The following TNFRSF13B variants were observed in gnomAD, a reference collection of about 807,000 sequenced individuals.
The protein encoded by TNFRSF13B is TNF receptor superfamily member 13B, also known as tumor necrosis factor receptor superfamily member 13B.
TNFRSF13B carries 34 observed loss-of-function variants against 24.0 expected under a neutral mutation model. That is an observed-to-expected ratio of 1.41 (90% CI 1.08 to 1.88). The LOEUF is 1.88. Among genes scored for constraint, TNFRSF13B ranks in the 40% most tolerant of loss-of-function variants. The pLI, the probability that TNFRSF13B is intolerant of heterozygous loss-of-function variation, is 0.00. For synonymous variants in TNFRSF13B, 173 were observed against 150.3 expected (o/e 1.15, Z -1.10); for missense variants, 415 against 380.8 (o/e 1.09, Z -0.75).
chr17:16,963,741 A>G (rs955959909), intron 1 of TNFRSF13B, among the ~76,000 whole-genome samples: 2 of 152,086 alleles, frequency 1.3e-5, no homozygotes, highest in African/African-American at 4.8e-5. Flanking sequence ...TAGTAGAGAC[A>G]GGGTTTCACC....
chr17:16,954,557 C>T (rs1291068553), intron 1 of TNFRSF13B, among the ~76,000 whole-genome samples: 5 of 152,226 alleles, frequency 3.3e-5, no homozygotes, highest in Non-Finnish European at 5.9e-5. Flanking sequence ...ATGTCTCTAA[C>T]ATTCTGGGAG....
At chr17:16,940,004 T>A in intron 4 of TNFRSF13B, 1 of 971,766 alleles carries the variant, frequency 1.0e-6, no homozygotes, top group Non-Finnish European at 1.5e-6. Context: ...TGGCTCTCAC[T>A]TCTGTCCAGC....
At chr17:16,949,040 G>A (rs1354595732) in intron 2 of TNFRSF13B, 57 bp from the exon 3 acceptor site, 5 of 1,611,400 alleles carry the variant, frequency 3.1e-6, no homozygotes, top group African/African-American at 1.3e-5. Context: ...GGAACTCTGG[G>A]TTTGACCACA....
chr17:16,955,496 A>C (rs1309210034), intron 1 of TNFRSF13B, among the ~76,000 whole-genome samples: 1 of 152,240 alleles, frequency 6.6e-6, no homozygotes, highest in Non-Finnish European at 1.5e-5. Context: ...TAATCGAATA[A>C]ATTGTCTAGA....
chr17:16,945,251 C>G (rs4500785), intron 3 of TNFRSF13B, among the ~76,000 whole-genome samples: 21,460 of 152,204 alleles, frequency 0.14, 1,720 homozygotes, highest in East Asian at 0.4. Context: ...GGCTCCATCC[C>G]TGGAGCCAAG....
At position 16,948,724 on chromosome 17, in the gene TNFRSF13B, CT is replaced by C; in HGVS notation, c.445+13del. 1 of 1,613,568 alleles carries C rather than the reference CT, an allele frequency of 6.2e-7. No individual in the cohort carries two copies. The highest frequency in any genetic ancestry group is 8.5e-7 in the Non-Finnish European group (1 of 1,180,024). ...CCTGCGTGACACCATGCAGGTTTGCCTTGGGTGGCTTACCTGGACTTGCTTC... is the reference window on the plus strand; with the variant it reads ...CCTGCGTGACACCATGCAGGTTTGCCTGGGTGGCTTACCTGGACTTGCTTC... On this transcript the variant is annotated intron_variant, in intron 3 of 4. Coordinates refer to ENST00000261652, the MANE Select transcript of TNFRSF13B (RefSeq NM_012452.3).
At chr17:16,963,465 G>A (rs924562098) in intron 1 of TNFRSF13B, among the ~76,000 whole-genome samples, 1 of 152,208 alleles carries the variant, frequency 6.6e-6, no homozygotes, top group Non-Finnish European at 1.5e-5. Context: ...AAGAAAACCT[G>A]TAGATGTGAC....
At chr17:16,947,820 C>T (rs1028747792) in intron 3 of TNFRSF13B, among the ~76,000 whole-genome samples, 31 of 152,170 alleles carry the variant, frequency 2.0e-4, no homozygotes, top group Admixed American at 1.8e-3. Flanking sequence ...ACAGAGTTAC[C>T]GTTCAGCACA....
intron 1 of TNFRSF13B, among the ~76,000 whole-genome samples, chr17:16,967,183 A>T (rs1487978555): frequency 6.6e-6 from 1 of 152,044 alleles, no homozygotes; most frequent in African/African-American, 2.4e-5. Context: ...AAGTAACCCA[A>T]CATCCATCAG....
At chr17:16,951,119 C>A (rs2087585639) in intron 2 of TNFRSF13B, among the ~76,000 whole-genome samples, 1 of 152,178 alleles carries the variant, frequency 6.6e-6, no homozygotes, top group African/African-American at 2.4e-5. Flanking sequence ...GGTAGTGGTT[C>A]AGGTCATGAT....
chr17:16,961,665 G>A (rs1012172637), intron 1 of TNFRSF13B, among the ~76,000 whole-genome samples: 2 of 152,170 alleles, frequency 1.3e-5, no homozygotes, highest in Non-Finnish European at 2.9e-5. Flanking sequence ...GCTTGTGCAT[G>A]TACGTAATGC....
intron 2 of TNFRSF13B, among the ~76,000 whole-genome samples, chr17:16,950,567 C>T (rs964228196): frequency 6.6e-6 from 1 of 152,180 alleles, no homozygotes; most frequent in African/African-American, 2.4e-5. Flanking sequence ...TGCCCTATCC[C>T]CAGGGCGCCC....
Position 16,958,507 on chromosome 17 carries a change from A to G in TNFRSF13B, c.62-5924T>C, listed in dbSNP as rs115924323. 5.9e-4 allele frequency among the ~76,000 whole-genome samples: 90 copies of G among 152,154 alleles called. 1 individual carries two copies. The highest frequency in any genetic ancestry group is 2.1e-3 in the African/African-American group (88 of 41,540). The stretch of plus-strand genomic sequence containing the variant: ...TACTTTAGATTAAAAAAAAATACAA[A>G]GCCAGAATTATTTTACTTTTTGCGT... On this transcript the variant is annotated intron_variant, in intron 1 of 4. Transcript: ENST00000261652.
intron 1 of TNFRSF13B, 69 bp from the exon 2 acceptor site, chr17:16,952,652 C>G: frequency 6.2e-7 from 1 of 1,608,692 alleles, no homozygotes; most frequent in Non-Finnish European, 8.5e-7. Flanking sequence ...CTGATGGGAA[C>G]CAAGACGGCC....
At chr17:16,940,164 G>A in intron 4 of TNFRSF13B, 162 bp downstream of exon 4, 1 of 1,503,558 alleles carries the variant, frequency 6.7e-7, no homozygotes, top group Non-Finnish European at 8.9e-7. Flanking sequence ...TTATCTGTCT[G>A]CCAGGATGTC....
At chr17:16,943,098 T>C (rs185069383) in intron 3 of TNFRSF13B, among the ~76,000 whole-genome samples, 63 of 152,200 alleles carry the variant, frequency 4.1e-4, no homozygotes, top group African/African-American at 1.4e-3. Context: ...CTCCAATGGC[T>C]CTATCCCCAG....
intron 1 of TNFRSF13B, among the ~76,000 whole-genome samples, chr17:16,968,851 A>G (rs2087723800): frequency 6.6e-6 from 1 of 152,268 alleles, no homozygotes; most frequent in South Asian, 2.1e-4. Flanking sequence ...ATAACAGAAT[A>G]ATGAAAAGGC....
At chr17:16,971,716 G>A (rs1270209349) in intron 1 of TNFRSF13B, among the ~76,000 whole-genome samples, 2 of 152,098 alleles carry the variant, frequency 1.3e-5, no homozygotes, top group Non-Finnish European at 2.9e-5. Flanking sequence ...ATGGTCCAGC[G>A]GGCATGTAAG....
At chr17:16,961,272 A>G (rs543929827) in intron 1 of TNFRSF13B, among the ~76,000 whole-genome samples, 1 of 152,222 alleles carries the variant, frequency 6.6e-6, no homozygotes, top group Non-Finnish European at 1.5e-5. Context: ...TGAAACAGGG[A>G]TGTGAACAGA....
Sources: allele counts gnomAD v4.1 joint callset (sites outside exome capture counted in the v4.1 genomes callset), GRCh38; gene constraint gnomAD v4.1.1; transcripts MANE v1.5; gene names NCBI Gene and HGNC (gene_info 2026-07-23, HGNC 2026-07-21).